The following C5 variants were observed in gnomAD, a reference collection of about 807,000 sequenced individuals.
C5 encodes C3 and PZP-like alpha-2-macroglobulin domain-containing protein 4.
A neutral mutation model predicts 218.8 loss-of-function variants in C5; 140 were observed. The ratio of observed to expected loss-of-function variants is 0.64; its 90% CI spans 0.56 to 0.74. The LOEUF (loss-of-function observed/expected upper bound fraction) is 0.74, where lower values mean the gene tolerates loss of function less well. Ranked by LOEUF, C5 falls within the 30% of genes least tolerant of loss-of-function variation. The pLI, the probability that C5 is intolerant of heterozygous loss-of-function variation, is 0.00. For synonymous variants in C5, 614 were observed against 682.3 expected (o/e 0.90, Z 1.56); for missense variants, 1,700 against 1,969.6 (o/e 0.86, Z 2.59).
chr9:121,030,249 G>C, intron 7 of C5, 148 bp downstream of exon 7: 1 of 566,198 alleles, frequency 1.8e-6, no homozygotes, highest in South Asian at 2.3e-5. Context: ...TGAACTACCA[G>C]CATGATGTCT....
At chr9:121,010,841 C>T (rs1228373739) in intron 17 of C5, among the ~76,000 whole-genome samples, 1 of 152,130 alleles carries the variant, frequency 6.6e-6, no homozygotes, top group African/African-American at 2.4e-5. Flanking sequence ...ATAGTGAACG[C>T]ATTTTTGACA....
chr9:120,957,007 C>G, intron 39 of C5: 1 of 368,348 alleles, frequency 2.7e-6, no homozygotes, highest in South Asian at 2.2e-5. Flanking sequence ...GCACACGTAT[C>G]CCCTGAACCT....
At position 120,982,693 on chromosome 9, in the gene C5, A is replaced by C; in HGVS notation, c.3352T>G (p.Phe1118Val). Residue 1118 changes from phenylalanine (F) to valine (V), a missense_variant, in exon 26 of 41, where the codon TTC becomes GTC. Transcript: ENST00000223642. ...VENYQLDNGS[F>V]KENSQYQPIK... The stretch of plus-strand genomic sequence containing the variant: ...GGTTGATACTGTGAATTTTCCTTGA[A>C]AGATCCATTATCTAATTGATAATTC... 1 of 1,609,150 alleles carries C rather than the reference A, an allele frequency of 6.2e-7. No homozygotes were observed. Among genetic ancestry groups the C allele is most frequent in the African/African-American group, 1.3e-5 (1 of 74,946 alleles).
the C5 span, among the ~76,000 whole-genome samples, chr9:121,070,384 GATATATATATATATATATATATATAT>G: frequency 3.3e-4 from 24 of 72,888 alleles, no homozygotes; most frequent in Middle Eastern, 6.8e-3. Context: ...AAGGAAGGGT[GATATATATATATATATATATATATAT>G]ATATATATAT....
intron 33 of C5, among the ~76,000 whole-genome samples, chr9:120,964,106 A>T (rs867398756): frequency 6.6e-6 from 1 of 152,218 alleles, no homozygotes; most frequent in Admixed American, 6.5e-5. Flanking sequence ...TTCATTTTCT[A>T]ATGAAGCATA....
At chr9:121,022,724 G>A (rs2416809) in intron 10 of C5, among the ~76,000 whole-genome samples, 34,380 of 150,134 alleles carry the variant, frequency 0.23, 4,770 homozygotes, top group African/African-American at 0.39. Flanking sequence ...TATATTATTT[G>A]TAATAAAATA....
At chr9:121,029,826 C>A (rs1052969315) in intron 7 of C5, among the ~76,000 whole-genome samples, 8 of 152,182 alleles carry the variant, frequency 5.3e-5, no homozygotes, top group African/African-American at 1.9e-4. Flanking sequence ...TACAAGCTAG[C>A]CTGCTGGATG....
intron 32 of C5, among the ~76,000 whole-genome samples, chr9:120,969,696 G>T (rs1221595285): frequency 6.6e-6 from 1 of 152,150 alleles, no homozygotes; most frequent in Non-Finnish European, 1.5e-5. Context: ...AAAGAAAGGG[G>T]TACAGGAGAG....
rs375183488 is a variant in C5 at position 120,976,690 on chromosome 9, G to T, written c.3864+10C>A. ...CTACAGGGAGATGAAACAAGACAAA[G>T]AAATGTTACCTGGGTTGAATAAAAG... On this transcript the variant is annotated intron_variant, in intron 29 of 40. Transcript: ENST00000223642. The T allele has an allele frequency of 2.5e-6, 4 of 1,610,274 alleles. No individual in the cohort carries two copies. The African/African-American group carries it at 4.0e-5, about 16-fold the overall frequency.
At chr9:120,993,613 G>A (rs10985117) in intron 22 of C5, among the ~76,000 whole-genome samples, 55,674 of 151,682 alleles carry the variant, frequency 0.37, 12,662 homozygotes, top group South Asian at 0.63. Flanking sequence ...TAGTAGAGAC[G>A]GGGTTTCACC....
chr9:120,976,709 A>G lies in C5; in HGVS notation c.3855T>C (p.Tyr1285=). 6.2e-7 allele frequency: 1 copy of G among 1,613,968 alleles called. No homozygotes were observed. The highest frequency in any genetic ancestry group is 8.5e-7 in the Non-Finnish European group (1 of 1,179,796). The change falls in exon 29 of 41, where the codon TAT becomes TAC. Residue 1285 remains tyrosine (Y), a synonymous_variant. Coordinates refer to ENST00000223642, the MANE Select transcript of C5 (RefSeq NM_001735.3). ...GACAAAGAAATGTTACCTGGGTTGAATAAAAGCCACCTCCATACCTCTGCT... is the reference window on the plus strand; with the variant it reads ...GACAAAGAAATGTTACCTGGGTTGAGTAAAAGCCACCTCCATACCTCTGCT... The part of the protein sequence containing the change: ...SEEQRYGGGF[Y]STQDTINAIE...
At chr9:121,021,716 A>C in intron 10 of C5, 22 bp from the exon 11 acceptor site, 4 of 1,589,716 alleles carry the variant, frequency 2.5e-6, no homozygotes, top group Non-Finnish European at 3.5e-6. Flanking sequence ...AACAATCCAA[A>C]TCTATTTCAA....
the C5 span, among the ~76,000 whole-genome samples, chr9:121,070,758 T>A: frequency 6.6e-6 from 1 of 151,778 alleles, no homozygotes; most frequent in Admixed American, 6.6e-5. Flanking sequence ...GAGAAAGATA[T>A]CTTAAAGGAT....
chr9:121,061,737 G>C, the C5 span, among the ~76,000 whole-genome samples: 1 of 152,174 alleles, frequency 6.6e-6, no homozygotes, highest in African/African-American at 2.4e-5. Flanking sequence ...ACTTGCATGT[G>C]CAATTGCCAA....
At chr9:120,984,005 C>T (rs908899425) in intron 25 of C5, among the ~76,000 whole-genome samples, 1 of 152,130 alleles carries the variant, frequency 6.6e-6, no homozygotes, top group Non-Finnish European at 1.5e-5. Context: ...TTATCCTGTA[C>T]TTGGCTTTTT....
chr9:121,015,083 A>G, intron 16 of C5, 116 bp downstream of exon 16: 2 of 715,028 alleles, frequency 2.8e-6, no homozygotes, highest in Non-Finnish European at 4.9e-6. Context: ...CTCCATACAT[A>G]TCTTTCTTTT....
At chr9:120,976,602 G>A in intron 29 of C5, 98 bp downstream of exon 29, 1 of 937,648 alleles carries the variant, frequency 1.1e-6, no homozygotes, top group Non-Finnish European at 1.8e-6. Flanking sequence ...TCTATTGCAT[G>A]CTCATTTGGT....
intron 36 of C5, among the ~76,000 whole-genome samples, chr9:120,962,217 C>T (rs1564131747): frequency 6.6e-6 from 1 of 152,170 alleles, no homozygotes; most frequent in East Asian, 1.9e-4. Context: ...TGAAAACACC[C>T]TGGGGTTGAT....
chr9:120,967,556 A>G (rs2046877927), intron 33 of C5, among the ~76,000 whole-genome samples: 1 of 152,158 alleles, frequency 6.6e-6, no homozygotes, highest in South Asian at 2.1e-4. Context: ...TGACAATACA[A>G]GAGTTAAGAA....
Sources: gnomAD v4.1 joint callset for allele counts (sites outside exome capture counted in the v4.1 genomes callset) on GRCh38, gnomAD v4.1.1 for gene constraint, MANE v1.5 for transcripts, NCBI Gene and HGNC (gene_info 2026-07-23, HGNC 2026-07-21) for gene names.